Variants in CWH43 observed in about 807,000 individuals in gnomAD.
CWH43 encodes the protein cell wall biogenesis 43 C-terminal homolog.
In CWH43, 91 loss-of-function variants were observed where a neutral mutation model predicts 85.7. That is an observed-to-expected ratio of 1.06 (90% CI 0.90 to 1.26). The LOEUF (loss-of-function observed/expected upper bound fraction) is 1.26, where lower values mean the gene tolerates loss of function less well. Among genes scored for constraint, CWH43 ranks in the 50% most tolerant of loss-of-function variants. The pLI, the probability that CWH43 is intolerant of heterozygous loss-of-function variation, is 0.00. For missense variants in CWH43, 869 were observed against 839.2 expected (o/e 1.04, Z -0.44); for synonymous variants, 323 against 293.6 (o/e 1.10, Z -1.02).
At chr4:49,007,425 G>A in intron 8 of CWH43, 99 bp downstream of exon 8, 2 of 1,282,652 alleles carry the variant, frequency 1.6e-6, no homozygotes. Context: ...CCTTCATCCT[G>A]TTTCAGCAAT....
chr4:49,058,860 T>C (rs1289805726), intron 15 of CWH43, among the ~76,000 whole-genome samples: 1 of 152,206 alleles, frequency 6.6e-6, no homozygotes, highest in African/African-American at 2.4e-5. Flanking sequence ...GAATGTTTTT[T>C]CTCTTTGCTT....
chr4:49,000,006 C>T (rs747800607), intron 6 of CWH43, among the ~76,000 whole-genome samples: 8 of 152,052 alleles, frequency 5.3e-5, no homozygotes, highest in Non-Finnish European at 1.2e-4. Context: ...CTCCTCCTTT[C>T]CCTTAAAAGG....
Position 49,044,825 on chromosome 4 carries a change from AT to A in CWH43, c.1845del (p.Met616CysfsTer5). On this transcript the variant is annotated frameshift_variant, in exon 14 of 16. Coordinates refer to ENST00000226432, the MANE Select transcript of CWH43 (RefSeq NM_025087.3). LOFTEE classifies it high-confidence loss of function. ...TGATCATGACAGATGGTGTGAATAC[AT>A]TATGTATCGAGGGCTGATCAGGTGA... ...STDHDRWCEY[I>X]MYRGLIRLGY... 1 of 1,613,270 alleles carries A rather than the reference AT, an allele frequency of 6.2e-7. No individual in the cohort carries two copies. The highest frequency in any genetic ancestry group is 8.5e-7 in the Non-Finnish European group (1 of 1,179,400).
intron 9 of CWH43, among the ~76,000 whole-genome samples, 162 bp downstream of exon 9, chr4:49,017,490 T>C (rs1783590878): frequency 6.6e-6 from 1 of 152,186 alleles, no homozygotes; most frequent in Non-Finnish European, 1.5e-5. Flanking sequence ...AGTGGGATTA[T>C]TTTATGAAGT....
At chr4:49,032,299 T>C (rs1358185334) in intron 11 of CWH43, among the ~76,000 whole-genome samples, 1 of 152,234 alleles carries the variant, frequency 6.6e-6, no homozygotes, top group Non-Finnish European at 1.5e-5. Flanking sequence ...GGGTTTTTTG[T>C]ATTACTAATG....
Position 48,986,393 on chromosome 4 carries a change from A to C in CWH43, c.-37A>C, listed in dbSNP as rs201034241. On this transcript the variant is annotated 5_prime_UTR_variant, in exon 1 of 16. Transcript: ENST00000226432. ...GGCTAGGGCAGCGGGCCCGACCCGC[A>C]CGGCTTTCCTGGAAAGCGCTGCCCC... is the stretch of plus-strand genomic sequence containing the variant. 1,475 of 1,546,050 alleles carry C rather than the reference A, an allele frequency of 9.5e-4. 4 individuals are homozygous for C. Among genetic ancestry groups the C allele is most frequent in the Non-Finnish European group, 1.1e-3 (1,281 of 1,144,858 alleles).
At chr4:49,020,920 G>A (rs192112015) in intron 9 of CWH43, among the ~76,000 whole-genome samples, 55 of 151,510 alleles carry the variant, frequency 3.6e-4, no homozygotes, top group African/African-American at 1.3e-3. Flanking sequence ...TTTTCTTGCT[G>A]ATTTGTTTGA....
intron 5 of CWH43, among the ~76,000 whole-genome samples, chr4:48,996,330 C>CAT (rs1052511471): frequency 4.3e-4 from 65 of 150,126 alleles, no homozygotes; most frequent in African/African-American, 1.4e-3. Flanking sequence ...CACACACACA[C>CAT]ATATATATAT....
chr4:49,039,337 A>ATATATATATATACTGT (rs1784375156), intron 13 of CWH43, among the ~76,000 whole-genome samples: 1 of 10,488 alleles, frequency 9.5e-5, no homozygotes, highest in African/African-American at 2.2e-4. Context: ...ATATATACTG[A>ATATATATATATACTGT]TGTATATATA....
intron 2 of CWH43, among the ~76,000 whole-genome samples, chr4:48,989,218 A>G (rs1458903251): frequency 1.3e-5 from 2 of 152,210 alleles, no homozygotes; most frequent in African/African-American, 4.8e-5. Context: ...AGGAAATACA[A>G]TTAGTTCTTA....
chr4:48,996,060 C>T (rs1490495580), intron 5 of CWH43, among the ~76,000 whole-genome samples: 1 of 151,916 alleles, frequency 6.6e-6, no homozygotes, highest in East Asian at 1.9e-4. Flanking sequence ...TCTTATCCTC[C>T]TGCTTCACCT....
chr4:49,030,684 C>A, intron 10 of CWH43, 141 bp from the exon 11 acceptor site: 1 of 655,846 alleles, frequency 1.5e-6, no homozygotes, highest in East Asian at 3.3e-5. Flanking sequence ...CCACTTCTCT[C>A]TAGTGACTCA....
At chr4:49,016,579 TA>T in intron 8 of CWH43, 1 of 713,782 alleles carries the variant, frequency 1.4e-6, no homozygotes, top group Non-Finnish European at 2.6e-6. Context: ...GGTGAAGATA[TA>T]AACAGTAAAG....
At chr4:48,990,895 T>C (rs964609068) in intron 2 of CWH43, among the ~76,000 whole-genome samples, 5 of 152,186 alleles carry the variant, frequency 3.3e-5, no homozygotes, top group African/African-American at 1.2e-4. Context: ...CATCAACTGA[T>C]ACATGGATAA....
chr4:49,046,116 T>C (rs1784614642), intron 14 of CWH43, among the ~76,000 whole-genome samples: 1 of 152,154 alleles, frequency 6.6e-6, no homozygotes, highest in African/African-American at 2.4e-5. Flanking sequence ...TTAGGGTACA[T>C]GTGCACAATC....
chr4:48,997,114 C>G (rs1427112897), intron 5 of CWH43, among the ~76,000 whole-genome samples: 1 of 152,122 alleles, frequency 6.6e-6, no homozygotes, highest in East Asian at 1.9e-4. Context: ...CTATTAATAT[C>G]TGACAGAATA....
At chr4:49,004,489 C>T (rs1453073189) in intron 7 of CWH43, among the ~76,000 whole-genome samples, 13 of 152,150 alleles carry the variant, frequency 8.5e-5, no homozygotes, top group South Asian at 2.1e-4. Flanking sequence ...TGGGCTCAAG[C>T]GATCCTTCTA....
intron 8 of CWH43, among the ~76,000 whole-genome samples, chr4:49,012,511 A>G (rs560656873): frequency 3.6e-4 from 55 of 152,268 alleles, no homozygotes; most frequent in African/African-American, 1.3e-3. Context: ...GCTTTGTTCC[A>G]TTGCTGGTGA....
In CWH43 at chr4:49,018,333, T is replaced by C. The variant is rs180965908; in HGVS notation, c.1266+1005T>C. Among the ~76,000 whole-genome samples, 445 of 152,268 alleles carry C rather than the reference T, an allele frequency of 2.9e-3. 9 individuals carry two copies. The highest frequency in any genetic ancestry group is 0.026 in the Admixed American group (396 of 15,272). Reference sequence around the variant, plus strand: ...AGGCCCCAACTCCAACACTAGAGGTTAAAATTCAACATGAGATTTGGTAGG... The same window carrying C: ...AGGCCCCAACTCCAACACTAGAGGTCAAAATTCAACATGAGATTTGGTAGG... On this transcript the variant is annotated intron_variant, in intron 9 of 15. Transcript: ENST00000226432.
Sources: allele counts gnomAD v4.1 joint callset (sites outside exome capture counted in the v4.1 genomes callset), GRCh38; gene constraint gnomAD v4.1.1; transcripts MANE v1.5; gene names NCBI Gene and HGNC (gene_info 2026-07-23, HGNC 2026-07-21).